Variants in TMPRSS9 observed in about 807,000 individuals in gnomAD.
TMPRSS9 encodes the protein transmembrane serine protease 9, also known as transmembrane protease serine 9.
In TMPRSS9, 113 loss-of-function variants were observed where a neutral mutation model predicts 111.4. That is an observed-to-expected ratio of 1.01 (90% CI 0.87 to 1.19). The LOEUF (loss-of-function observed/expected upper bound fraction) is 1.19. TMPRSS9 is among the 50% of genes most tolerant of loss of function. The probability of loss-of-function intolerance (pLI) is 0.00; values close to 1 mark genes in which losing one functional copy is unlikely to be tolerated. For missense variants in TMPRSS9, 1,803 were observed against 1,513.1 expected, an observed-to-expected ratio of 1.19 and a Z score of -3.18; for synonymous variants, 805 against 659.1, an observed-to-expected ratio of 1.22 and a Z score of -3.39.
At chr19:2,398,624 C>T (rs1454107105) in intron 2 of TMPRSS9, among the ~76,000 whole-genome samples, 171 bp from the exon 4 acceptor site, 1 of 151,886 alleles carries the variant, frequency 6.6e-6, no homozygotes, top group African/African-American at 2.4e-5. Flanking sequence ...TCTCACAATA[C>T]ATACATACAT....
chr19:2,414,824 G>A (rs1971186552), intron 10 of TMPRSS9, among the ~76,000 whole-genome samples: 1 of 150,326 alleles, frequency 6.7e-6, no homozygotes, highest in South Asian at 2.1e-4. Context: ...CTGATACGGT[G>A]ACATGGTGCC....
intron 1 of TMPRSS9, among the ~76,000 whole-genome samples, chr19:2,380,449 A>G (rs538298635): frequency 1.3e-5 from 2 of 152,038 alleles, no homozygotes; most frequent in African/African-American, 4.8e-5. Context: ...TAAAAAAAAA[A>G]AATTAGCCAG....
chr19:2,378,289 TTTGATTGGAA>T (rs1442834024), intron 1 of TMPRSS9, among the ~76,000 whole-genome samples: 2 of 152,086 alleles, frequency 1.3e-5, no homozygotes, highest in Non-Finnish European at 2.9e-5. Flanking sequence ...ACTGTCCTGG[TTTGATTGGAA>T]TTGAGTGGTT....
chr19:2,368,291 C>T (rs113134746), intron 1 of TMPRSS9, among the ~76,000 whole-genome samples: 5 of 151,318 alleles, frequency 3.3e-5, no homozygotes, highest in African/African-American at 1.2e-4. Context: ...CTACCATCTA[C>T]TCCCATGGGT....
At chr19:2,368,774 G>GTTTTTTTTCTT (rs1970266113) in intron 1 of TMPRSS9, among the ~76,000 whole-genome samples, 1 of 70,366 alleles carries the variant, frequency 1.4e-5, no homozygotes, top group Non-Finnish European at 2.6e-5. Flanking sequence ...GATAAACCCA[G>GTTTTTTTTCTT]TTTTTTTTTT....
intron 8 of TMPRSS9, 56 bp downstream of exon 9, chr19:2,408,686 G>A (rs1260431376): frequency 8.3e-6 from 13 of 1,567,682 alleles, no homozygotes; most frequent in Middle Eastern, 1.7e-4. Context: ...GGCAAATAAC[G>A]CAGAAAAGGG....
Position 2,418,062 on chromosome 19 carries a change from G to C in TMPRSS9, c.2078G>C (p.Ser693Thr), listed in dbSNP as rs60568869. 4.4e-4 allele frequency: 710 copies of C among 1,612,386 alleles called. 7 individuals carry two copies. In the African/African-American group the frequency reaches 8.3e-3, roughly 19 times the overall value. ...GGCATCATAGACCAGAAAACCTGTA[G>C]TGTGCTCTACAACTTCTCCCTCACA... The change falls in exon 13 of 18, where the codon AGT becomes ACT. Residue 693 changes from serine to threonine, a missense_variant. Coordinates refer to ENST00000648592, the Ensembl canonical transcript of TMPRSS9.
intron 14 of TMPRSS9, among the ~76,000 whole-genome samples, chr19:2,423,508 TAGAG>T (rs1047877671): frequency 1.4e-5 from 1 of 73,322 alleles, no homozygotes; most frequent in Admixed American, 1.9e-4. Flanking sequence ...TGGGTGGTGA[TAGAG>T]GGCGGCGGGG....
chr19:2,425,924 C>T lies in TMPRSS9; in HGVS notation c.3121-3C>T. ...TGAACCCCCTTTCTTCTCTCCCCAA[C>T]AGGGTGACGCTGGGGGACCCCTGGC... is the stretch of plus-strand genomic sequence containing the variant. On this transcript the variant is annotated splice_polypyrimidine_tract_variant and splice_region_variant and intron_variant, in intron 17 of 17. Coordinates refer to ENST00000648592, the Ensembl canonical transcript of TMPRSS9. 1 of 1,589,742 alleles carries T rather than the reference C, an allele frequency of 6.3e-7. No individual in the cohort carries two copies. Among genetic ancestry groups the T allele is most frequent in the Non-Finnish European group, 8.5e-7 (1 of 1,172,292 alleles).
chr19:2,418,121 A>G, exon 13 of TMPRSS9: 4 of 1,611,974 alleles, frequency 2.5e-6, no homozygotes, highest in Non-Finnish European at 3.4e-6. Context: ...CCTGGAAGGC[A>G]AAGTCGACTC....
chr19:2,418,264 TTG>T (rs1971302466), intron 13 of TMPRSS9, 126 bp downstream of exon 14: 2 of 965,698 alleles, frequency 2.1e-6, no homozygotes, highest in East Asian at 1.2e-4. Context: ...CCTTCCCTCC[TTG>T]TCCTTCCCTC....
At chr19:2,386,178 G>A (rs761203136), upstream of TMPRSS9, among the ~76,000 whole-genome samples, 56 of 152,110 alleles carry the variant, frequency 3.7e-4, no homozygotes, top group Non-Finnish European at 7.8e-4. Context: ...TCAAACTCCT[G>A]GACTCAAGCG....
chr19:2,361,067 G>A (rs1056958497), intron 1 of TMPRSS9, among the ~76,000 whole-genome samples: 1 of 146,228 alleles, frequency 6.8e-6, no homozygotes, highest in African/African-American at 2.6e-5. Flanking sequence ...CCTAAAGCAA[G>A]AACCAAGCAT....
chr19:2,409,891 G>C (rs1971058678), intron 8 of TMPRSS9, among the ~76,000 whole-genome samples: 1 of 152,006 alleles, frequency 6.6e-6, no homozygotes, highest in Non-Finnish European at 1.5e-5. Flanking sequence ...CGTGAGACAG[G>C]GGCTGATTCT....
chr19:2,368,048 G>GT (rs1384693217), intron 1 of TMPRSS9, among the ~76,000 whole-genome samples: 1 of 152,130 alleles, frequency 6.6e-6, no homozygotes, highest in Non-Finnish European at 1.5e-5. Context: ...ATTTTTCAGT[G>GT]TTACAGCTCT....
chr19:2,416,275 G>C (rs1312808793), intron 11 of TMPRSS9: 5 of 530,044 alleles, frequency 9.4e-6, no homozygotes, highest in South Asian at 3.0e-5. Flanking sequence ...GGGGGTTGGG[G>C]GGGGGCATTG....
chr19:2,371,078 C>G (rs1235078615), intron 1 of TMPRSS9, among the ~76,000 whole-genome samples: 1 of 152,154 alleles, frequency 6.6e-6, no homozygotes, highest in Non-Finnish European at 1.5e-5. Flanking sequence ...TCCCTGGCCC[C>G]GGATGTCCTC....
intron 4 of TMPRSS9, among the ~76,000 whole-genome samples, chr19:2,401,167 G>A (rs1203089498): frequency 2.0e-5 from 3 of 152,000 alleles, no homozygotes; most frequent in Non-Finnish European, 2.9e-5. Context: ...CCAGCTGCTT[G>A]GGACGCTGAG....
chr19:2,396,635 A>G (rs765109641), exon 2 of TMPRSS9: 7 of 1,606,158 alleles, frequency 4.4e-6, no homozygotes, highest in Middle Eastern at 1.7e-4. Flanking sequence ...TCGGACTATC[A>G]CCGCACGCTG....
Sources: allele counts gnomAD v4.1 joint callset (sites outside exome capture counted in the v4.1 genomes callset), GRCh38; gene constraint gnomAD v4.1.1; transcripts MANE v1.5; gene names NCBI Gene and HGNC (gene_info 2026-07-23, HGNC 2026-07-21).